Variants in PITPNB observed in about 807,000 individuals in gnomAD.
The protein encoded by PITPNB is phosphatidylinositol transfer protein beta.
A neutral mutation model predicts 45.9 loss-of-function variants in PITPNB; 16 were observed. That is an observed-to-expected ratio of 0.35 (90% CI 0.24 to 0.53). The LOEUF (loss-of-function observed/expected upper bound fraction) is 0.53, where lower values mean the gene tolerates loss of function less well. Ranked by LOEUF, PITPNB falls within the 20% of genes least tolerant of loss-of-function variation. PITPNB has a pLI of 0.93. For missense variants in PITPNB, 188 were observed against 330.5 expected (o/e 0.57, Z 3.34); for synonymous variants, 112 against 108.9 (o/e 1.03, Z -0.18).
At chr22:27,858,693 CA>C (rs759517861) in intron 9 of PITPNB, among the ~76,000 whole-genome samples, 184 bp from the exon 10 acceptor site, 3 of 150,510 alleles carry the variant, frequency 2.0e-5, no homozygotes, top group Non-Finnish European at 3.0e-5. Flanking sequence ...ATTAAACAAA[CA>C]AAAAAAAACT....
At chr22:27,867,433 T>A (rs9306450) in intron 8 of PITPNB, among the ~76,000 whole-genome samples, 5,551 of 152,262 alleles carry the variant, frequency 0.036, 154 homozygotes, top group African/African-American at 0.069. Context: ...AATGTGAGTT[T>A]AAAAAGACTG....
intron 7 of PITPNB, among the ~76,000 whole-genome samples, chr22:27,884,271 T>C (rs965220986): frequency 6.6e-6 from 1 of 152,108 alleles, no homozygotes; most frequent in African/African-American, 2.4e-5. Context: ...GATGGAGATT[T>C]TGGGTAAATA....
At chr22:27,869,496 A>G (rs1934585270) in intron 8 of PITPNB, among the ~76,000 whole-genome samples, 1 of 151,634 alleles carries the variant, frequency 6.6e-6, no homozygotes, top group Non-Finnish European at 1.5e-5. Context: ...TGCTTTATGC[A>G]TGACCAAATA....
At chr22:27,867,433 T>G (rs9306450) in intron 8 of PITPNB, among the ~76,000 whole-genome samples, 1 of 152,158 alleles carries the variant, frequency 6.6e-6, no homozygotes, top group South Asian at 2.1e-4. Flanking sequence ...AATGTGAGTT[T>G]AAAAAGACTG....
intron 1 of PITPNB, among the ~76,000 whole-genome samples, chr22:27,914,855 A>G (rs1314087083): frequency 6.6e-6 from 1 of 152,218 alleles, no homozygotes; most frequent in Non-Finnish European, 1.5e-5. Flanking sequence ...AGAGAAAAAT[A>G]AGGAGTCGTG....
chr22:27,873,958 G>A, intron 7 of PITPNB, 143 bp from the exon 8 acceptor site: 4 of 605,374 alleles, frequency 6.6e-6, no homozygotes, highest in Non-Finnish European at 1.2e-5. Flanking sequence ...GTAGAAAAAT[G>A]CTTCTTTAAG....
intron 8 of PITPNB, among the ~76,000 whole-genome samples, chr22:27,861,117 G>A (rs935295010): frequency 2.0e-5 from 3 of 151,702 alleles, no homozygotes; most frequent in African/African-American, 7.3e-5. Flanking sequence ...GATCACTTGA[G>A]GTCAGGAGTT....
In PITPNB at chr22:27,858,574, C is replaced by T. The variant is rs1478393839; in HGVS notation, c.646-65G>A. 31 of 1,276,672 alleles carry T rather than the reference C, an allele frequency of 2.4e-5. No homozygotes were observed. In the African/African-American group the frequency reaches 3.1e-4, roughly 13 times the overall value. 79.1% of individuals were successfully genotyped at this position (1,276,672 alleles called of 1,614,324 possible). On this transcript the variant is annotated intron_variant, in intron 9 of 11. Coordinates refer to ENST00000335272, the MANE Select transcript of PITPNB (RefSeq NM_012399.5). ...AAACCTAAGATTAATGACACATTAA[C>T]TTTACATGTTCCAATTAACCCATGA...
intron 3 of PITPNB, among the ~76,000 whole-genome samples, chr22:27,900,608 T>C (rs954897427): frequency 5.3e-5 from 8 of 152,194 alleles, no homozygotes; most frequent in African/African-American, 1.9e-4. Flanking sequence ...AATACATCTC[T>C]CCTCAATGAA....
chr22:27,891,430 C>T (rs1935275377), intron 7 of PITPNB, among the ~76,000 whole-genome samples: 1 of 152,168 alleles, frequency 6.6e-6, no homozygotes, highest in African/African-American at 2.4e-5. Context: ...TCTTGTACAA[C>T]TGGAGCTAAT....
At chr22:27,903,605 C>G (rs1427382568) in intron 3 of PITPNB, among the ~76,000 whole-genome samples, 1 of 151,314 alleles carries the variant, frequency 6.6e-6, no homozygotes, top group African/African-American at 2.4e-5. Context: ...AGGGAGACCC[C>G]CCACCTCTAC....
chr22:27,880,976 T>C (rs1934954083), intron 7 of PITPNB, among the ~76,000 whole-genome samples: 1 of 152,210 alleles, frequency 6.6e-6, no homozygotes. Context: ...AAGCAATATG[T>C]TGTTTTCCCA....
rs2146345133 is a variant in PITPNB at position 27,857,106 on chromosome 22, T to A, written c.768+1281A>T. ...CCATCTCATCACCCTATTCCCTATA[T>A]CCAGAACTCAGAGTCCTAATATTAG... On this transcript the variant is annotated intron_variant, in intron 10 of 11. Transcript: ENST00000335272. 2.0e-5 allele frequency among the ~76,000 whole-genome samples: 3 copies of A among 152,236 alleles called. No individual in the cohort carries two copies. The South Asian group carries it at 6.2e-4, about 32-fold the overall frequency.
chr22:27,867,003 C>T (rs1934504288), intron 8 of PITPNB, among the ~76,000 whole-genome samples: 1 of 152,178 alleles, frequency 6.6e-6, no homozygotes, highest in Non-Finnish European at 1.5e-5. Context: ...GTAACCTAAA[C>T]TTTATTTAGG....
In PITPNB at chr22:27,890,152, T is replaced by G. The variant is rs1463626113; in HGVS notation, c.456+4403A>C. Among the ~76,000 whole-genome samples, 5 of 151,992 alleles carry G rather than the reference T, an allele frequency of 3.3e-5. No individual in the cohort carries two copies. The East Asian group carries it at 9.7e-4, about 29-fold the overall frequency. Reference sequence around the variant, plus strand: ...GTCCCTGCACCACTAGATTTCACAGTCACCTCCTCCCTGAAATGGGGGTCT... The same window carrying G: ...GTCCCTGCACCACTAGATTTCACAGGCACCTCCTCCCTGAAATGGGGGTCT... On this transcript the variant is annotated intron_variant, in intron 7 of 11. Transcript: ENST00000335272.
At chr22:27,897,313 T>C (rs1935464331) in intron 4 of PITPNB, among the ~76,000 whole-genome samples, 176 bp from the exon 5 acceptor site, 2 of 152,236 alleles carry the variant, frequency 1.3e-5, no homozygotes, top group African/African-American at 4.8e-5. Context: ...CACTATACAG[T>C]ACATTAGATT....
chr22:27,898,959 T>C (rs1478364699), intron 3 of PITPNB, among the ~76,000 whole-genome samples: 1 of 152,230 alleles, frequency 6.6e-6, no homozygotes, highest in African/African-American at 2.4e-5. Context: ...ACTGATATAG[T>C]GACTGGAGCC....
intron 5 of PITPNB, 63 bp from the exon 6 acceptor site, chr22:27,896,689 G>A (rs907602310): frequency 2.1e-5 from 23 of 1,098,274 alleles, no homozygotes; most frequent in Middle Eastern, 3.9e-4. Context: ...GCCCACGTCT[G>A]AGGGAGCTTT....
chr22:27,909,949 TC>T (rs923180418), intron 3 of PITPNB, among the ~76,000 whole-genome samples: 1 of 148,856 alleles, frequency 6.7e-6, no homozygotes, highest in Non-Finnish European at 1.5e-5. Context: ...CCCACTAATT[TC>T]TTTTTTTTTT....
Sources: allele counts gnomAD v4.1 joint callset (sites outside exome capture counted in the v4.1 genomes callset), GRCh38; gene constraint gnomAD v4.1.1; transcripts MANE v1.5; gene names NCBI Gene and HGNC (gene_info 2026-07-23, HGNC 2026-07-21).